The following MYO5B variants were observed in gnomAD, a reference collection of about 807,000 sequenced individuals.
MYO5B encodes unconventional myosin-Vb.
MYO5B carries 143 observed loss-of-function variants against 229.3 expected under a neutral mutation model. The observed-to-expected ratio is 0.62, with a 90% CI of 0.54 to 0.72. MYO5B has a LOEUF of 0.72. Among genes scored for constraint, MYO5B ranks in the 30% least tolerant of loss-of-function variants. The probability of loss-of-function intolerance (pLI) is 0.00; values close to 1 mark genes in which losing one functional copy is unlikely to be tolerated. For missense variants in MYO5B, 2,321 were observed against 2,331.0 expected (o/e 1.00, Z 0.09); for synonymous variants, 918 against 885.2 (o/e 1.04, Z -0.66).
chr18:49,916,224 T>C (rs1031868799), intron 17 of MYO5B, among the ~76,000 whole-genome samples: 2 of 152,264 alleles, frequency 1.3e-5, no homozygotes, highest in African/African-American at 2.4e-5. Flanking sequence ...TGCTTCTAAT[T>C]TGAAAACCTC....
chr18:50,036,750 T>TCAC (rs2026452448), intron 4 of MYO5B, 100 bp downstream of exon 4: 16 of 1,410,144 alleles, frequency 1.1e-5, no homozygotes, highest in Non-Finnish European at 1.6e-5. Flanking sequence ...AGTCCCAATC[T>TCAC]CACCACCTCA....
At chr18:50,016,086 G>C (rs1055862393) in intron 4 of MYO5B, among the ~76,000 whole-genome samples, 3 of 152,198 alleles carry the variant, frequency 2.0e-5, no homozygotes, top group Admixed American at 2.0e-4. Flanking sequence ...GCCAAAGATG[G>C]GAGGTATCAG....
rs1455046072 is a variant in MYO5B at position 49,904,762 on chromosome 18, C to T, written c.2481G>A (p.Arg827=). The change falls in exon 20 of 40, where the codon AGG becomes AGA. Residue 827 remains arginine (R), a synonymous_variant. Coordinates refer to ENST00000285039, the MANE Select transcript of MYO5B (RefSeq NM_001080467.3). ...GGACCCTCTGGTAGGCCTGGCGGGC[C>T]CTCTGCATGCGGTAATGTTTCTGGA... ...VVLQKHYRMQ[R]ARQAYQRVRR... is the part of the protein sequence containing the mutation. 1 of 1,614,008 alleles carries T rather than the reference C, an allele frequency of 6.2e-7. No individual in the cohort carries two copies. Among genetic ancestry groups the T allele is most frequent in the South Asian group, 1.1e-5 (1 of 91,080 alleles).
At chr18:50,178,043 C>T (rs1599080656) in intron 1 of MYO5B, among the ~76,000 whole-genome samples, 1 of 152,174 alleles carries the variant, frequency 6.6e-6, no homozygotes, top group African/African-American at 2.4e-5. Context: ...TCTTATTCAC[C>T]TTTTACACCC....
At chr18:49,937,496 A>G in intron 14 of MYO5B, 99 bp from the exon 15 acceptor site, 2 of 1,394,128 alleles carry the variant, frequency 1.4e-6, no homozygotes, top group Middle Eastern at 1.8e-4. Context: ...AGAACGGAAA[A>G]CACACATCCA....
At chr18:50,002,584 G>A (rs1317475165) in intron 4 of MYO5B, among the ~76,000 whole-genome samples, 4 of 152,098 alleles carry the variant, frequency 2.6e-5, no homozygotes, top group Non-Finnish European at 5.9e-5. Context: ...TTCAAAGCAG[G>A]GAGTGAGGAC....
At chr18:49,948,561 T>G (rs1294426529) in intron 14 of MYO5B, among the ~76,000 whole-genome samples, 3 of 152,232 alleles carry the variant, frequency 2.0e-5, no homozygotes, top group Non-Finnish European at 4.4e-5. Flanking sequence ...CAAAGTACAT[T>G]TGAGAACATT....
intron 1 of MYO5B, among the ~76,000 whole-genome samples, chr18:50,175,836 C>T (rs768988158): frequency 3.3e-5 from 5 of 152,372 alleles, no homozygotes; most frequent in Non-Finnish European, 5.9e-5. Context: ...CATTCCACCA[C>T]GGAGGGGTTG....
chr18:49,942,170 T>C (rs535079814), intron 14 of MYO5B, among the ~76,000 whole-genome samples: 1 of 151,300 alleles, frequency 6.6e-6, no homozygotes, highest in Non-Finnish European at 1.5e-5. Flanking sequence ...TCCTTACACC[T>C]TATACAAAAA....
chr18:50,083,170 G>T (rs1200063084), intron 1 of MYO5B, among the ~76,000 whole-genome samples: 1 of 152,174 alleles, frequency 6.6e-6, no homozygotes, highest in Non-Finnish European at 1.5e-5. Context: ...GGTGCATCAG[G>T]CAAGGTATGG....
At chr18:49,949,209 T>C (rs1434629371) in intron 14 of MYO5B, among the ~76,000 whole-genome samples, 1 of 152,166 alleles carries the variant, frequency 6.6e-6, no homozygotes, top group East Asian at 1.9e-4. Flanking sequence ...CCCTCTGACC[T>C]ACATGTAGTG....
intron 4 of MYO5B, among the ~76,000 whole-genome samples, chr18:50,002,808 G>A (rs1167737069): frequency 1.3e-5 from 2 of 152,124 alleles, no homozygotes; most frequent in East Asian, 3.9e-4. Context: ...TTTTCCATAT[G>A]AGGACAGGTT....
At position 49,939,038 on chromosome 18, in the gene MYO5B, G is replaced by C. The variant is rs116992562; in HGVS notation, c.1753-1641C>G. 1.7e-3 allele frequency among the ~76,000 whole-genome samples: 261 copies of C among 152,186 alleles called. 1 individual carries two copies. The highest frequency in any genetic ancestry group is 3.9e-3 in the African/African-American group (160 of 41,516). On this transcript the variant is annotated intron_variant, in intron 14 of 39. Transcript: ENST00000285039. ...AAGGGCTGAGGAGAGGACTGAATGA[G>C]AGAATCCGTGTAAGCATGTAGAAAA...
chr18:50,098,000 T>A (rs73448729), intron 1 of MYO5B, among the ~76,000 whole-genome samples: 6,488 of 152,290 alleles, frequency 0.043, 148 homozygotes, highest in African/African-American at 0.054. Context: ...AAGAGGCTAG[T>A]GGTATGAGTC....
intron 4 of MYO5B, among the ~76,000 whole-genome samples, chr18:50,011,975 G>C (rs1482230284): frequency 1.3e-5 from 2 of 152,002 alleles, no homozygotes; most frequent in African/African-American, 4.8e-5. Flanking sequence ...GGACAGCATA[G>C]GTAGTGTTCA....
chr18:50,137,971 C>T (rs966812038), intron 1 of MYO5B, among the ~76,000 whole-genome samples: 2 of 152,058 alleles, frequency 1.3e-5, no homozygotes, highest in African/African-American at 2.4e-5. Flanking sequence ...GACATTGGTG[C>T]CTAATTGAGG....
chr18:49,839,229 T>C lies in MYO5B; in HGVS notation c.4767A>G (p.Glu1589=). ...EHCLKNFDLT[E]YRQVLSDLSI... is the part of the protein sequence containing the mutation. ...AAAGGTCACTCAGCACCTGACGGTA[T>C]TCGGTGAGGTCAAAATTCTTAAGAC... Residue 1589 remains glutamate, a synonymous_variant, in exon 36 of 40, where the codon GAA becomes GAG. Coordinates refer to ENST00000285039, the MANE Select transcript of MYO5B (RefSeq NM_001080467.3). 1 of 1,614,180 alleles carries C rather than the reference T, an allele frequency of 6.2e-7. No homozygotes were observed. Among genetic ancestry groups the C allele is most frequent in the Non-Finnish European group, 8.5e-7 (1 of 1,179,996 alleles).
At chr18:49,882,502 C>T (rs2144111218) in intron 22 of MYO5B, among the ~76,000 whole-genome samples, 1 of 151,676 alleles carries the variant, frequency 6.6e-6, no homozygotes, top group South Asian at 2.1e-4. Flanking sequence ...GTGGTGCGTG[C>T]CTGTAATCCC....
At chr18:49,875,864 T>A (rs2024516063) in intron 25 of MYO5B, 37 bp from the exon 26 acceptor site, 1 of 1,612,802 alleles carries the variant, frequency 6.2e-7, no homozygotes. Flanking sequence ...AAGGTTTTCC[T>A]AAATACATGC....
Sources: allele counts gnomAD v4.1 joint callset (sites outside exome capture counted in the v4.1 genomes callset), GRCh38; gene constraint gnomAD v4.1.1; transcripts MANE v1.5; gene names NCBI Gene and HGNC (gene_info 2026-07-23, HGNC 2026-07-21).